The following LRRC7 variants were observed in gnomAD, a reference collection of about 807,000 sequenced individuals.
LRRC7 encodes leucine-rich repeat-containing protein 7.
LRRC7 carries 23 observed loss-of-function variants against 175.7 expected under a neutral mutation model. That is an observed-to-expected ratio of 0.13 (90% CI 0.09 to 0.19). The LOEUF (loss-of-function observed/expected upper bound fraction) is 0.19. Ranked by LOEUF, LRRC7 falls within the 10% of genes least tolerant of loss-of-function variation. LRRC7 has a pLI of 1.00. For missense variants in LRRC7, 1,354 were observed against 1,904.7 expected (o/e 0.71, Z 5.38); for synonymous variants, 685 against 680.9 (o/e 1.01, Z -0.09).
chr1:69,919,627 C>A, intron 7 of LRRC7: 1 of 851,538 alleles, frequency 1.2e-6, no homozygotes, highest in Admixed American at 1.8e-5. Context: ...GCGGCTACAT[C>A]CAGAAGATCA....
At chr1:69,700,464 A>G (rs1663198600) in intron 2 of LRRC7, among the ~76,000 whole-genome samples, 1 of 152,116 alleles carries the variant, frequency 6.6e-6, no homozygotes, top group African/African-American at 2.4e-5. Context: ...ACCCTGTAAT[A>G]CTTATAGTAT....
intron 8 of LRRC7, among the ~76,000 whole-genome samples, chr1:69,944,827 C>T (rs1285910712): frequency 1.3e-5 from 2 of 151,752 alleles, no homozygotes; most frequent in Non-Finnish European, 2.9e-5. Flanking sequence ...AGAAATGACT[C>T]TTAAGGTTCC....
intron 2 of LRRC7, among the ~76,000 whole-genome samples, chr1:69,718,123 AAGAAAAGAAAGAAAGAGAG>A (rs1665866860): frequency 2.0e-5 from 1 of 50,438 alleles, no homozygotes; most frequent in Non-Finnish European, 3.8e-5. Context: ...GAAAGAAAGA[AAGAAAAGAAAGAAAGAGAG>A]AGAAAGAAAG....
intron 23 of LRRC7, among the ~76,000 whole-genome samples, chr1:70,065,679 G>T (rs1371584641): frequency 1.3e-5 from 2 of 151,874 alleles, no homozygotes; most frequent in African/African-American, 2.4e-5. Flanking sequence ...ATATCTAGGG[G>T]TGAAAAAACA....
chr1:69,711,022 A>T (rs1467058652), intron 2 of LRRC7, among the ~76,000 whole-genome samples: 1 of 152,200 alleles, frequency 6.6e-6, no homozygotes, highest in African/African-American at 2.4e-5. Flanking sequence ...TCACAAGTCC[A>T]GTGTTGAGTG....
At chr1:69,779,170 A>G (rs564918684) in intron 3 of LRRC7, among the ~76,000 whole-genome samples, 1 of 152,248 alleles carries the variant, frequency 6.6e-6, no homozygotes, top group Non-Finnish European at 1.5e-5. Context: ...TTATATGTCA[A>G]CTAACAAAAA....
intron 9 of LRRC7, among the ~76,000 whole-genome samples, chr1:69,980,863 A>T (rs560982747): frequency 6.6e-5 from 10 of 152,156 alleles, no homozygotes; most frequent in Non-Finnish European, 1.0e-4. Context: ...GAGCTCTTCT[A>T]CAAAATAAAA....
intron 23 of LRRC7, among the ~76,000 whole-genome samples, chr1:70,057,017 G>A (rs1308352265): frequency 6.6e-6 from 1 of 152,112 alleles, no homozygotes; most frequent in African/African-American, 2.4e-5. Context: ...GGAATCCATA[G>A]GAATCTGCAT....
rs187488570 is a variant in LRRC7 at position 69,919,197 on chromosome 1, G to A, written c.648-12310G>A. On this transcript the variant is annotated intron_variant, in intron 7 of 26. Transcript: ENST00000651989. ...CACCAGGCCCTCAGAGATAGGAAAT[G>A]TTTCAGGCTCTGCAGTCCATAGGGT... The A allele has an allele frequency of 6.0e-5, 16 of 266,040 alleles. No homozygotes were observed. In the East Asian group the frequency reaches 1.1e-3, roughly 18 times the overall value. The allele number at this position is 266,040 out of a possible 1,614,324, so 16.5% of individuals were successfully genotyped here.
intron 23 of LRRC7, among the ~76,000 whole-genome samples, chr1:70,056,231 G>A (rs631167): frequency 0.77 from 116,706 of 151,968 alleles, 45,093 homozygotes; most frequent in African/African-American, 0.86. Context: ...TAGAAGGATG[G>A]CCCAGAACTC....
intron 11 of LRRC7, among the ~76,000 whole-genome samples, chr1:69,997,271 A>G (rs970894402): frequency 1.3e-5 from 2 of 152,194 alleles, no homozygotes; most frequent in African/African-American, 4.8e-5. Flanking sequence ...CTTTGCTGAA[A>G]GTTGCTTATC....
At position 69,717,887 on chromosome 1, in the gene LRRC7, AGAG is replaced by A. The variant is rs763243416; in HGVS notation, c.100+39414_100+39416del. Among the ~76,000 whole-genome samples the A allele has an allele frequency of 7.7e-5, 11 of 142,558 alleles. 2 individuals are homozygous for A. The highest frequency in any genetic ancestry group is 2.1e-4 in the East Asian group (1 of 4,736). The allele number at this position is 142,558 out of a possible 152,430, so 93.5% of individuals were successfully genotyped here. ...GAAAGAAAGAAAGAAAGAGAGAAAA[AGAG>A]GAGGGAGGGAAGGAGGGAGAGAAAG... On this transcript the variant is annotated intron_variant, in intron 2 of 26. Transcript: ENST00000651989.
Position 70,143,119 on chromosome 1 carries a change from T to TCA in LRRC7, c.*21233_*21234insAC. The TCA allele has an allele frequency of 6.6e-6, 1 of 152,174 alleles. No homozygotes were observed. Among genetic ancestry groups the TCA allele is most frequent in the East Asian group, 1.9e-4 (1 of 5,170 alleles). 9.4% of individuals were successfully genotyped at this position (152,174 alleles called of 1,614,324 possible). A position where few individuals can be genotyped will look rare whatever the true frequency, so the allele number is the denominator to read the frequency against. On this transcript the variant is annotated 3_prime_UTR_variant, in exon 27 of 27. Coordinates refer to ENST00000651989, the MANE Select transcript of LRRC7 (RefSeq NM_001370785.2). ...TAATTCAGTTAGTGAAATATTTCAC[T>TCA]CTTCTGTAAGTTTAAGAAAAATTCC...
chr1:69,881,548 A>C (rs1686599962), intron 7 of LRRC7, among the ~76,000 whole-genome samples: 1 of 152,164 alleles, frequency 6.6e-6, no homozygotes, highest in Non-Finnish European at 1.5e-5. Context: ...TAACTCAAAC[A>C]AAAAGGTTTT....
chr1:69,829,821 T>C (rs1680330611), intron 5 of LRRC7, among the ~76,000 whole-genome samples: 1 of 151,840 alleles, frequency 6.6e-6, no homozygotes, highest in Non-Finnish European at 1.5e-5. Context: ...ATGATTGTCA[T>C]CTTCATCAAG....
At chr1:69,737,390 C>T (rs922490963) in intron 2 of LRRC7, among the ~76,000 whole-genome samples, 1 of 152,116 alleles carries the variant, frequency 6.6e-6, no homozygotes, top group Admixed American at 6.6e-5. Flanking sequence ...CTAATGATCC[C>T]TTGCCTTCCA....
intron 10 of LRRC7, among the ~76,000 whole-genome samples, chr1:69,991,489 C>G (rs1654433583): frequency 6.6e-6 from 1 of 152,108 alleles, no homozygotes; most frequent in African/African-American, 2.4e-5. Flanking sequence ...GCAGAGTTGC[C>G]ACAGTCCCTG....
intron 7 of LRRC7, among the ~76,000 whole-genome samples, chr1:69,869,434 C>T (rs1463813850): frequency 6.6e-6 from 1 of 151,954 alleles, no homozygotes. Context: ...AAGTAAGAAG[C>T]TTGTTCAGAG....
At chr1:69,902,931 C>T (rs1646179562) in intron 7 of LRRC7, among the ~76,000 whole-genome samples, 1 of 152,132 alleles carries the variant, frequency 6.6e-6, no homozygotes, top group African/African-American at 2.4e-5. Context: ...TTATGAGGCA[C>T]ATTTCACAAT....
Sources: gnomAD v4.1 joint callset for allele counts (sites outside exome capture counted in the v4.1 genomes callset) on GRCh38, gnomAD v4.1.1 for gene constraint, MANE v1.5 for transcripts, NCBI Gene and HGNC (gene_info 2026-07-23, HGNC 2026-07-21) for gene names.